The following ARID2 variants were observed in gnomAD, a reference collection of about 807,000 sequenced individuals.
ARID2 encodes AT-rich interaction domain 2.
A neutral mutation model predicts 184.6 loss-of-function variants in ARID2; 32 were observed. The observed-to-expected ratio is 0.17, with a 90% CI of 0.13 to 0.23. The LOEUF (loss-of-function observed/expected upper bound fraction) is 0.23, where lower values mean the gene tolerates loss of function less well. ARID2 is among the 10% of genes least tolerant of loss of function. The pLI is 1.00. For missense variants in ARID2, 1,696 were observed against 2,197.6 expected (o/e 0.77, Z 4.56); for synonymous variants, 836 against 772.6 (o/e 1.08, Z -1.36).
At chr12:45,781,851 A>G (rs1450880979) in intron 3 of ARID2, among the ~76,000 whole-genome samples, 3 of 152,198 alleles carry the variant, frequency 2.0e-5, no homozygotes, top group African/African-American at 7.2e-5. Context: ...GTTTAAACCC[A>G]TATTTCTCAG....
Position 45,905,783 on chromosome 12 carries a change from C to T in ARID2, c.*705C>T. On this transcript the variant is annotated 3_prime_UTR_variant, in exon 21 of 21. Coordinates refer to ENST00000334344, the MANE Select transcript of ARID2 (RefSeq NM_152641.4). ...GTCCTAGAAGCATTATTGGTAGGTT[C>T]TAAAGTTTTCTAGACTTTCCTGTCA... 4.3e-6 allele frequency: 1 copy of T among 232,998 alleles called. No homozygotes were observed. Among genetic ancestry groups the T allele is most frequent in the Non-Finnish European group, 8.5e-6 (1 of 117,696 alleles). 14.4% of individuals were successfully genotyped at this position (232,998 alleles called of 1,614,324 possible). A position where few individuals can be genotyped will look rare whatever the true frequency, so the allele number is the denominator to read the frequency against.
chr12:45,836,497 T>G, intron 6 of ARID2, 92 bp from the exon 7 acceptor site: 85 of 1,212,788 alleles, frequency 7.0e-5, no homozygotes, highest in Non-Finnish European at 9.4e-5. Context: ...ATTACAGGCA[T>G]GAGCCACCAT....
Position 45,762,875 on chromosome 12 carries a change from G to C in ARID2, c.284+31561G>C, listed in dbSNP as rs148464718. ...AACAAGTTTATCTTTAACAATTTCT[G>C]TCTCTTTCCTCATGCATCAAATTGT... On this transcript the variant is annotated intron_variant, in intron 3 of 20. Transcript: ENST00000334344. 5.5e-3 allele frequency among the ~76,000 whole-genome samples: 832 copies of C among 152,252 alleles called. 7 individuals are homozygous for C. Among genetic ancestry groups the C allele is most frequent in the African/African-American group, 0.019 (794 of 41,540 alleles).
chr12:45,857,678 T>G (rs1943673556), intron 15 of ARID2, among the ~76,000 whole-genome samples: 1 of 152,238 alleles, frequency 6.6e-6, no homozygotes, highest in Non-Finnish European at 1.5e-5. Flanking sequence ...AAATCTCTTT[T>G]CCAGTGATTT....
intron 3 of ARID2, among the ~76,000 whole-genome samples, chr12:45,734,767 G>A (rs1296232616): frequency 6.6e-6 from 1 of 152,150 alleles, no homozygotes; most frequent in Non-Finnish European, 1.5e-5. Context: ...GAAATTGGGG[G>A]ACAGTTTGCT....
chr12:45,850,929 G>T lies in ARID2; in HGVS notation c.2806G>T (p.Gly936Cys), dbSNP rs118033428. The stretch of plus-strand genomic sequence containing the variant: ...GATTGTAAGCCAGCCAGCTCAACAA[G>T]GTCAAACTTATGCACCAGCCATTCA... ...VVIVSQPAQQ[G>C]QTYAPAIHQI... The change falls in exon 15 of 21, where the codon GGT (glycine) becomes TGT (cysteine). Residue 936 changes from glycine (G) to cysteine (C), a missense_variant. Physicochemically the swap from Gly to Cys is radical, Grantham distance 159 (BLOSUM62 -3). Around this residue, in one of 11 missense-constraint regions of ARID2, gnomAD observed 713 missense variants for 824.4 expected, o/e 0.86. Coordinates refer to ENST00000334344, the MANE Select transcript of ARID2 (RefSeq NM_152641.4). 2.3e-4 allele frequency: 373 copies of T among 1,614,120 alleles called. 4 individuals are homozygous for T. In the East Asian group the frequency reaches 8.3e-3, roughly 36 times the overall value.
chr12:45,747,255 T>C (rs1033881809), intron 3 of ARID2, among the ~76,000 whole-genome samples: 1 of 152,234 alleles, frequency 6.6e-6, no homozygotes, highest in African/African-American at 2.4e-5. Flanking sequence ...ATGTATCTTT[T>C]TGTAATAACG....
chr12:45,849,508 T>C, intron 13 of ARID2, 72 bp from the exon 14 acceptor site: 1 of 1,241,144 alleles, frequency 8.1e-7, no homozygotes, highest in Non-Finnish European at 1.1e-6. Flanking sequence ...ACTGCTGTTG[T>C]TCATGTAAAC....
At chr12:45,824,660 T>C (rs1942960269) in intron 6 of ARID2, among the ~76,000 whole-genome samples, 1 of 151,924 alleles carries the variant, frequency 6.6e-6, no homozygotes, top group Admixed American at 6.6e-5. Flanking sequence ...AAAAGGGAAC[T>C]CATACACTGT....
intron 16 of ARID2, among the ~76,000 whole-genome samples, chr12:45,871,060 C>T (rs1247402427): frequency 2.0e-5 from 3 of 152,150 alleles, no homozygotes; most frequent in South Asian, 2.1e-4. Flanking sequence ...AGTGTCTGTA[C>T]GATTTTGTAT....
intron 3 of ARID2, among the ~76,000 whole-genome samples, chr12:45,798,805 T>C (rs1468027267): frequency 6.6e-6 from 1 of 152,138 alleles, no homozygotes; most frequent in Non-Finnish European, 1.5e-5. Context: ...ATTCATTCTC[T>C]AAGGGGAGAC....
chr12:45,808,739 G>A (rs1011237170), intron 3 of ARID2, among the ~76,000 whole-genome samples: 1 of 96,096 alleles, frequency 1.0e-5, no homozygotes, highest in Non-Finnish European at 2.4e-5. Flanking sequence ...TTGCGTGCGT[G>A]TGTGTGTGTG....
rs1943488419 is a variant in ARID2 at position 45,848,832 on chromosome 12, T to C, written c.1581-4T>C. 6.2e-7 allele frequency: 1 copy of C among 1,609,684 alleles called. No homozygotes were observed. Among genetic ancestry groups the C allele is most frequent in the Non-Finnish European group, 8.5e-7 (1 of 1,177,672 alleles). ...TATAATGCTTAATTTTTCTCCTCTT[T>C]TAGGCTAAATGCTCATTTTGAAGTA... is the stretch of plus-strand genomic sequence containing the variant. On this transcript the variant is annotated splice_region_variant and splice_polypyrimidine_tract_variant and intron_variant, in intron 12 of 20. Coordinates refer to ENST00000334344, the MANE Select transcript of ARID2 (RefSeq NM_152641.4).
intron 6 of ARID2, among the ~76,000 whole-genome samples, chr12:45,822,038 T>G (rs1183768716): frequency 6.6e-6 from 1 of 152,234 alleles, no homozygotes; most frequent in Non-Finnish European, 1.5e-5. Context: ...ATAGGATGCT[T>G]CTTTTATTTA....
intron 3 of ARID2, among the ~76,000 whole-genome samples, chr12:45,744,045 A>G (rs1291662327): frequency 1.3e-5 from 2 of 151,530 alleles, no homozygotes; most frequent in African/African-American, 4.9e-5. Flanking sequence ...TTGGTGTGTC[A>G]TCTGCAAATA....
At chr12:45,889,879 A>G (rs1944265703) in intron 16 of ARID2, among the ~76,000 whole-genome samples, 1 of 152,234 alleles carries the variant, frequency 6.6e-6, no homozygotes, top group South Asian at 2.1e-4. Flanking sequence ...CAGAAGTTGC[A>G]TTGAGTCGAG....
chr12:45,793,693 A>C (rs1457793771), intron 3 of ARID2, among the ~76,000 whole-genome samples: 1 of 150,290 alleles, frequency 6.7e-6, no homozygotes, highest in African/African-American at 2.5e-5. Context: ...TTATATATAC[A>C]CACACACACA....
chr12:45,901,676 C>G (rs944902236), intron 20 of ARID2, among the ~76,000 whole-genome samples: 4 of 151,982 alleles, frequency 2.6e-5, no homozygotes, highest in Middle Eastern at 3.4e-3. Flanking sequence ...CCTCCGCCCC[C>G]CAAGACAAGA....
At chr12:45,834,621 T>C (rs916391868) in intron 6 of ARID2, among the ~76,000 whole-genome samples, 2 of 152,178 alleles carry the variant, frequency 1.3e-5, no homozygotes, top group Non-Finnish European at 2.9e-5. Flanking sequence ...CACGCACCTA[T>C]AATCCCAGCT....
Sources: gnomAD v4.1 joint callset for allele counts (sites outside exome capture counted in the v4.1 genomes callset) on GRCh38, gnomAD v4.1.1 for gene constraint, gnomAD v4.1.1 regional missense constraint, MANE v1.5 for transcripts, NCBI Gene and HGNC (gene_info 2026-07-23, HGNC 2026-07-21) for gene names.